Variants in GDF11 observed in about 807,000 individuals in gnomAD.
The protein encoded by GDF11 is growth differentiation factor 11.
A neutral mutation model predicts 34.4 loss-of-function variants in GDF11; 12 were observed. The ratio of observed to expected loss-of-function variants is 0.35; its 90% CI spans 0.22 to 0.57. The LOEUF (loss-of-function observed/expected upper bound fraction) is 0.57, where lower values mean the gene tolerates loss of function less well. Among genes scored for constraint, GDF11 ranks in the 20% least tolerant of loss-of-function variants. The probability of loss-of-function intolerance (pLI) is 0.86; values close to 1 mark genes in which losing one functional copy is unlikely to be tolerated. For missense variants in GDF11, 346 were observed against 548.2 expected, an observed-to-expected ratio of 0.63 and a Z score of 3.68; for synonymous variants, 212 against 231.1, an observed-to-expected ratio of 0.92 and a Z score of 0.75.
chr12:55,743,801 C>T, intron 1 of GDF11, 40 bp downstream of exon 1: 1 of 1,453,558 alleles, frequency 6.9e-7, no homozygotes, highest in Non-Finnish European at 9.2e-7. Flanking sequence ...GGTGCTGGCT[C>T]TGGCCCCGCG....
chr12:55,749,878 C>T lies in GDF11; in HGVS notation c.1220C>T (p.Ser407Phe), dbSNP rs1878266488. 3 of 1,611,578 alleles carry T rather than the reference C, an allele frequency of 1.9e-6. No individual in the cohort carries two copies. The highest frequency in any genetic ancestry group is 2.5e-6 in the Non-Finnish European group (3 of 1,178,400). Residue 407 changes from serine (S) to phenylalanine (F), a missense_variant, in exon 3 of 3, where the codon TCT (serine) becomes TTT (phenylalanine). Around this residue, in one of 3 missense-constraint regions of GDF11, gnomAD observed 205 missense variants for 311.3 expected, o/e 0.66. Coordinates refer to ENST00000257868, the MANE Select transcript of GDF11 (RefSeq NM_005811.5). This position sits in a 1 kb window ranked among gnomAD's most constrained non-coding sequence, Gnocchi z 5.6. Reference sequence around the variant, plus strand: ...ATGGTGGTGGATCGCTGTGGCTGCTCTTAAGGTGGGGGATAGAGGATGCCT... The same window carrying T: ...ATGGTGGTGGATCGCTGTGGCTGCTTTTAAGGTGGGGGATAGAGGATGCCT... The part of the protein sequence containing the change: ...PGMVVDRCGC[S>F]
chr12:55,752,170 G>C lies in GDF11; in HGVS notation c.*2288G>C, dbSNP rs924551656. 4 of 152,260 alleles carry C rather than the reference G, an allele frequency of 2.6e-5. No individual in the cohort carries two copies. In the South Asian group the frequency reaches 6.2e-4, roughly 24 times the overall value. 9.4% of individuals were successfully genotyped at this position (152,260 alleles called of 1,614,324 possible). On this transcript the variant is annotated 3_prime_UTR_variant, in exon 3 of 3. Transcript: ENST00000257868. The stretch of plus-strand genomic sequence containing the variant: ...CCATCAACACCACTCACATTTCCTT[G>C]GTGGAAGGAAAGGAACAGAGAAGTG...
chr12:55,744,386 C>G (rs1012520637), intron 1 of GDF11, among the ~76,000 whole-genome samples: 3 of 152,172 alleles, frequency 2.0e-5, no homozygotes, highest in Non-Finnish European at 2.9e-5. Context: ...TGACCGAGCT[C>G]GGAGAGCTCA....
rs561750067 is a variant in GDF11, at chr12:55,747,198, C to G, written c.446-1388C>G. Among the ~76,000 whole-genome samples the G allele has an allele frequency of 5.1e-4, 78 of 152,244 alleles. 1 individual carries two copies. Among genetic ancestry groups the G allele is most frequent in the African/African-American group, 1.7e-3 (70 of 41,536 alleles). ...CTTCTGATCTCTGAATTCTCACCCC[C>G]CAAACCCTACTCCATTGCACCATCA... On this transcript the variant is annotated intron_variant, in intron 1 of 2. Coordinates refer to ENST00000257868, the MANE Select transcript of GDF11 (RefSeq NM_005811.5).
rs759951553 is a variant in GDF11, at chr12:55,743,400, CGCG to C, written c.114_116del (p.Ala41del). On this transcript the variant is annotated inframe_deletion, in exon 1 of 3. Transcript: ENST00000257868. Reference sequence around the variant, plus strand: ...CCCGGGGGGAGGCGGCCGAGGGCCCCGCGGCGGCGGCGGCGGCGGCGGCGGCGG... The same window carrying C: ...CCCGGGGGGAGGCGGCCGAGGGCCCCGCGGCGGCGGCGGCGGCGGCGGCGG... 7.0e-3 allele frequency: 6,715 copies of C among 965,392 alleles called. No homozygotes were observed. Among genetic ancestry groups the C allele is most frequent in the Middle Eastern group, 9.4e-3 (18 of 1,920 alleles). The allele number at this position is 965,392 out of a possible 1,614,324, so 59.8% of individuals were successfully genotyped here.
Position 55,749,823 on chromosome 12 carries a change from C to A in GDF11, c.1165C>A (p.Gln389Lys). ...CAACATGCTCTACTTCAATGACAAG[C>A]AGCAGATTATCTACGGCAAGATCCC... Reference protein sequence around the residue: ...PINMLYFNDKQQIIYGKIPGM... With the variant: ...PINMLYFNDKKQIIYGKIPGM... Residue 389 changes from glutamine (Q) to lysine (K), a missense_variant, in exon 3 of 3, where the codon CAG becomes AAG. This residue lies in a region of GDF11 where 205 missense variants were observed against 311.3 expected (regional missense o/e 0.66). Transcript: ENST00000257868. This position sits in a 1 kb window ranked among gnomAD's most constrained non-coding sequence, Gnocchi z 5.6. 1 of 1,614,020 alleles carries A rather than the reference C, an allele frequency of 6.2e-7. No homozygotes were observed. The highest frequency in any genetic ancestry group is 8.5e-7 in the Non-Finnish European group (1 of 1,179,944).
At chr12:55,745,418 G>A (rs1481101811) in intron 1 of GDF11, among the ~76,000 whole-genome samples, 1 of 152,026 alleles carries the variant, frequency 6.6e-6, no homozygotes, top group Non-Finnish European at 1.5e-5. Context: ...GGGCTGTGCA[G>A]GTGAGGCCTG....
rs770913542 is a variant in GDF11 at position 55,748,981 on chromosome 12, C to A, written c.841C>A (p.Leu281Met). 1 of 1,595,198 alleles carries A rather than the reference C, an allele frequency of 6.3e-7. No individual in the cohort carries two copies. Among genetic ancestry groups the A allele is most frequent in the Non-Finnish European group, 8.5e-7 (1 of 1,177,632 alleles). ...VTSLGPGAEGLHPFMELRVLE... is the reference protein window; with the variant it reads ...VTSLGPGAEGMHPFMELRVLE... Reference sequence around the variant, plus strand: ...CTCCCTGGGGCCGGGAGCCGAGGGGCTGGTGAGCAGGGGGCCTGAGGTGGT... The same window carrying A: ...CTCCCTGGGGCCGGGAGCCGAGGGGATGGTGAGCAGGGGGCCTGAGGTGGT... Residue 281 changes from leucine (L) to methionine (M), a missense_variant and splice_region_variant, in exon 2 of 3, where the codon CTG (leucine) becomes ATG (methionine). Physicochemically the swap from Leu to Met is conservative, Grantham distance 15. Around this residue, in one of 3 missense-constraint regions of GDF11, gnomAD observed 205 missense variants for 311.3 expected, o/e 0.66. Transcript: ENST00000257868. This position sits in a 1 kb window ranked among gnomAD's most constrained non-coding sequence, Gnocchi z 5.6.
rs886804789 is a variant in GDF11 at position 55,756,159 on chromosome 12, A to C, written c.*6277A>C. 9 of 152,232 alleles carry C rather than the reference A, an allele frequency of 5.9e-5. No individual in the cohort carries two copies. The highest frequency in any genetic ancestry group is 1.9e-4 in the African/African-American group (8 of 41,458). 9.4% of individuals were successfully genotyped at this position (152,232 alleles called of 1,614,324 possible). On this transcript the variant is annotated 3_prime_UTR_variant, in exon 3 of 3. Transcript: ENST00000257868. ...ATCAGAGCCTGAGGTAAAGAAAAGG[A>C]AGGCAGACAGAAAAGAGGGAAAAGG...
Position 55,753,287 on chromosome 12 carries a change from G to A in GDF11, c.*3405G>A, listed in dbSNP as rs934146748. On this transcript the variant is annotated 3_prime_UTR_variant, in exon 3 of 3. Transcript: ENST00000257868. ...GTCCCTGTTCCTAGGTTTCCTCAAC[G>A]AAGTTTGACAAAAATCTAAACCAAC... 1.3e-5 allele frequency: 2 copies of A among 152,138 alleles called. No individual in the cohort carries two copies. Among genetic ancestry groups the A allele is most frequent in the Non-Finnish European group, 2.9e-5 (2 of 68,024 alleles). 9.4% of individuals were successfully genotyped at this position (152,138 alleles called of 1,614,324 possible).
chr12:55,748,824 G>A lies in GDF11; in HGVS notation c.684G>A (p.Leu228=), dbSNP rs974636389. ...HIRIRSLKIE[L]HSRSGHWQSI... ...GTATCCGCTCACTGAAGATTGAGCT[G>A]CACTCACGCTCAGGCCATTGGCAGA... is the stretch of plus-strand genomic sequence containing the variant. Residue 228 remains leucine (L), a synonymous_variant, in exon 2 of 3, where the codon CTG becomes CTA. Transcript: ENST00000257868. The surrounding 1 kb of genome is among the most constrained non-coding windows in gnomAD (Gnocchi z 5.6). The A allele has an allele frequency of 3.1e-6, 5 of 1,613,952 alleles. No individual in the cohort carries two copies. In the African/African-American group the frequency reaches 4.0e-5, roughly 13 times the overall value.
chr12:55,747,003 AAT>A (rs977594846), intron 1 of GDF11, among the ~76,000 whole-genome samples: 4 of 152,236 alleles, frequency 2.6e-5, no homozygotes, highest in African/African-American at 7.2e-5. Context: ...CTGAAGCTAC[AAT>A]GGTGAGCAAA....
Position 55,747,359 on chromosome 12 carries a change from A to T in GDF11, c.446-1227A>T, listed in dbSNP as rs1217080828. Among the ~76,000 whole-genome samples the T allele has an allele frequency of 2.7e-5, 4 of 147,882 alleles. No homozygotes were observed. The East Asian group carries it at 7.9e-4, about 29-fold the overall frequency. ...GAAGTTCATTAAGCACTTTCTCCTC[A>T]TCTCCCTTAGAAGGTCCTCTTTCTC... On this transcript the variant is annotated intron_variant, in intron 1 of 2. Transcript: ENST00000257868.
chr12:55,747,541 G>A (rs1343236228), intron 1 of GDF11, among the ~76,000 whole-genome samples: 2 of 152,186 alleles, frequency 1.3e-5, no homozygotes, highest in Admixed American at 1.3e-4. Flanking sequence ...CTAGAGTCAG[G>A]ATAGACATAT....
At position 55,748,396 on chromosome 12, in the gene GDF11, A is replaced by G. The variant is rs758617718; in HGVS notation, c.446-190A>G. 2.6e-5 allele frequency among the ~76,000 whole-genome samples: 4 copies of G among 152,256 alleles called. No individual in the cohort carries two copies. Among genetic ancestry groups the G allele is most frequent in the Non-Finnish European group, 4.4e-5 (3 of 68,044 alleles). ...AATGGACACAGATCAGTAAGGCCTT[A>G]TAGGGCCATCATCCTAAAGAGGAAG... On this transcript the variant is annotated intron_variant, in intron 1 of 2. Transcript: ENST00000257868. This position sits in a 1 kb window ranked among gnomAD's most constrained non-coding sequence, Gnocchi z 5.6.
intron 1 of GDF11, among the ~76,000 whole-genome samples, chr12:55,745,536 T>C (rs966597287): frequency 7.0e-6 from 1 of 143,436 alleles, no homozygotes; most frequent in Admixed American, 7.3e-5. Context: ...CCAGGTATTG[T>C]ACGTCCCCTT....
rs1165106841 is a variant in GDF11 at position 55,750,960 on chromosome 12, T to G, written c.*1078T>G. ...TCCCAGCCTCTATCTTCAGGTCAATTAGAGAGAGTATAGAGACCCCAGAGT... is the reference window on the plus strand; with the variant it reads ...TCCCAGCCTCTATCTTCAGGTCAATGAGAGAGAGTATAGAGACCCCAGAGT... On this transcript the variant is annotated 3_prime_UTR_variant, in exon 3 of 3. Transcript: ENST00000257868. 1 of 151,962 alleles carries G rather than the reference T, an allele frequency of 6.6e-6. No individual in the cohort carries two copies. The highest frequency in any genetic ancestry group is 1.9e-4 in the East Asian group (1 of 5,166). The allele number at this position is 151,962 out of a possible 1,614,324, so 9.4% of individuals were successfully genotyped here.
In GDF11 at chr12:55,755,424, ACAG is replaced by A. The variant is rs951366468; in HGVS notation, c.*5544_*5546del. 1.3e-5 allele frequency: 2 copies of A among 152,196 alleles called. No homozygotes were observed. The highest frequency in any genetic ancestry group is 2.4e-5 in the African/African-American group (1 of 41,460). The allele number at this position is 152,196 out of a possible 1,614,324, so 9.4% of individuals were successfully genotyped here. On this transcript the variant is annotated 3_prime_UTR_variant, in exon 3 of 3. Coordinates refer to ENST00000257868, the MANE Select transcript of GDF11 (RefSeq NM_005811.5). ...ACAGCTGAGGAAGCTAGTTCTCCCCACAGCTTTTATAGACTCCCTCATTAAGAG... is the reference window on the plus strand; with the variant it reads ...ACAGCTGAGGAAGCTAGTTCTCCCCACTTTTATAGACTCCCTCATTAAGAG...
rs1445425435 is a variant in GDF11, at chr12:55,754,703, T to G, written c.*4821T>G. On this transcript the variant is annotated 3_prime_UTR_variant, in exon 3 of 3. Transcript: ENST00000257868. The stretch of plus-strand genomic sequence containing the variant: ...GCTAATATTTATTGAATAATTACTA[T>G]GCAAATTATGGTAAGCAAATTGTAG... 1 of 152,232 alleles carries G rather than the reference T, an allele frequency of 6.6e-6. No individual in the cohort carries two copies. The highest frequency in any genetic ancestry group is 1.5e-5 in the Non-Finnish European group (1 of 68,038). The allele number at this position is 152,232 out of a possible 1,614,324, so 9.4% of individuals were successfully genotyped here.
Sources: gnomAD v4.1 joint callset for allele counts (sites outside exome capture counted in the v4.1 genomes callset) on GRCh38, gnomAD v4.1.1 for gene constraint, gnomAD v4.1.1 regional missense constraint, Gnocchi (gnomAD v3.1) non-coding constraint, MANE v1.5 for transcripts, NCBI Gene and HGNC (gene_info 2026-07-23, HGNC 2026-07-21) for gene names.